Variants in EIF4G3 observed in about 807,000 individuals in gnomAD.
The protein encoded by EIF4G3 is eIF-4-gamma 3.
A neutral mutation model predicts 186.4 loss-of-function variants in EIF4G3; 34 were observed. The observed-to-expected ratio is 0.18, with a 90% CI of 0.14 to 0.24. The LOEUF is 0.24. Among genes scored for constraint, EIF4G3 ranks in the 10% least tolerant of loss-of-function variants. EIF4G3 has a pLI of 1.00. For missense variants in EIF4G3, 1,536 were observed against 1,948.5 expected (o/e 0.79, Z 3.99); for synonymous variants, 673 against 679.5 (o/e 0.99, Z 0.15).
At chr1:21,085,589 G>A (rs534818624) in intron 3 of EIF4G3, among the ~76,000 whole-genome samples, 2 of 152,134 alleles carry the variant, frequency 1.3e-5, no homozygotes, top group South Asian at 4.1e-4. Flanking sequence ...TTGAGATGGG[G>A]TCTCATTATG....
chr1:20,872,071 T>C (rs1259760081), intron 20 of EIF4G3, among the ~76,000 whole-genome samples: 2 of 152,168 alleles, frequency 1.3e-5, no homozygotes, highest in African/African-American at 4.8e-5. Context: ...TCTTACCATT[T>C]TGCCATATTT....
intron 2 of EIF4G3, among the ~76,000 whole-genome samples, chr1:21,110,579 GCCA>G (rs1558009651): frequency 6.6e-6 from 1 of 152,142 alleles, no homozygotes; most frequent in Non-Finnish European, 1.5e-5. Flanking sequence ...ACAGGTGTGA[GCCA>G]CCACGCCTGG....
At chr1:21,166,060 CA>C (rs1408912473) in intron 2 of EIF4G3, among the ~76,000 whole-genome samples, 1 of 104,196 alleles carries the variant, frequency 9.6e-6, no homozygotes, top group South Asian at 3.0e-4. Context: ...ATCACCCACT[CA>C]TCATAATCCA....
chr1:21,013,561 G>C (rs541511467), intron 4 of EIF4G3, among the ~76,000 whole-genome samples: 1 of 152,300 alleles, frequency 6.6e-6, no homozygotes, highest in East Asian at 1.9e-4. Flanking sequence ...GATGGGAAGA[G>C]TGGCTTAGTT....
At chr1:21,145,334 C>CA (rs56373332) in intron 2 of EIF4G3, among the ~76,000 whole-genome samples, 75,728 of 151,168 alleles carry the variant, frequency 0.5, 19,685 homozygotes, top group East Asian at 0.76. Context: ...AACAAACAAA[C>CA]AAAAAAAACC....
At chr1:20,873,014 G>A (rs1018703697) in intron 20 of EIF4G3, among the ~76,000 whole-genome samples, 1 of 152,224 alleles carries the variant, frequency 6.6e-6, no homozygotes, top group Non-Finnish European at 1.5e-5. Flanking sequence ...TGGAATTACA[G>A]CTGTGAGCCA....
At chr1:20,994,550 T>C (rs747701094) in intron 7 of EIF4G3, among the ~76,000 whole-genome samples, 2 of 152,050 alleles carry the variant, frequency 1.3e-5, no homozygotes, top group Admixed American at 6.5e-5. Context: ...TCTTAGGAAC[T>C]TACCTCCAAG....
chr1:20,817,157 G>T (rs1408081230), intron 34 of EIF4G3, among the ~76,000 whole-genome samples: 1 of 138,612 alleles, frequency 7.2e-6, no homozygotes, highest in Non-Finnish European at 1.6e-5. Context: ...TTGTTCACTT[G>T]TTTATCTGCT....
chr1:21,052,352 T>C (rs896389889), intron 3 of EIF4G3, among the ~76,000 whole-genome samples: 8 of 152,156 alleles, frequency 5.3e-5, no homozygotes, highest in Non-Finnish European at 1.0e-4. Context: ...TCTGCTAAAA[T>C]GAAAGAAGTC....
At chr1:20,896,827 T>C (rs1359195584) in intron 16 of EIF4G3, among the ~76,000 whole-genome samples, 1 of 152,216 alleles carries the variant, frequency 6.6e-6, no homozygotes, top group African/African-American at 2.4e-5. Context: ...TATATTTAGA[T>C]ACACAAATAC....
chr1:21,024,934 T>C (rs935733404), intron 4 of EIF4G3, among the ~76,000 whole-genome samples: 2 of 149,748 alleles, frequency 1.3e-5, no homozygotes, highest in East Asian at 1.9e-4. Context: ...GTAAGGAGTA[T>C]GAATAATATA....
chr1:21,053,183 C>A (rs1325780751), intron 3 of EIF4G3, among the ~76,000 whole-genome samples: 5 of 151,964 alleles, frequency 3.3e-5, no homozygotes, highest in Non-Finnish European at 7.4e-5. Context: ...GGGAGCACCT[C>A]TGCCCTGCCA....
chr1:20,966,190 C>T (rs1283613418), intron 12 of EIF4G3, among the ~76,000 whole-genome samples: 1 of 152,194 alleles, frequency 6.6e-6, no homozygotes, highest in South Asian at 2.1e-4. Context: ...TTATGTCTAA[C>T]TCAAAGCAGG....
chr1:21,170,042 G>A (rs2097924307), intron 2 of EIF4G3, among the ~76,000 whole-genome samples: 1 of 152,088 alleles, frequency 6.6e-6, no homozygotes, highest in Non-Finnish European at 1.5e-5. Context: ...AGGCGTGGTG[G>A]TGCACGCCTG....
At chr1:21,128,099 C>T (rs1296319215) in intron 2 of EIF4G3, among the ~76,000 whole-genome samples, 13 of 151,408 alleles carry the variant, frequency 8.6e-5, no homozygotes, top group Admixed American at 6.6e-4. Context: ...CCCAGCTACT[C>T]GGGAGGCTGA....
At chr1:21,169,242 A>G (rs1187025938) in intron 2 of EIF4G3, among the ~76,000 whole-genome samples, 1 of 152,050 alleles carries the variant, frequency 6.6e-6, no homozygotes, top group African/African-American at 2.4e-5. Flanking sequence ...CCTGAAGTCA[A>G]GAGTTCGAGA....
chr1:21,133,124 A>G (rs1281189656), intron 2 of EIF4G3, among the ~76,000 whole-genome samples: 1 of 152,146 alleles, frequency 6.6e-6, no homozygotes, highest in Non-Finnish European at 1.5e-5. Flanking sequence ...TTTGTTTCAA[A>G]TGGAAAAATA....
intron 3 of EIF4G3, among the ~76,000 whole-genome samples, chr1:21,055,344 T>C (rs897274663): frequency 2.6e-5 from 4 of 152,142 alleles, no homozygotes; most frequent in Admixed American, 2.6e-4. Context: ...AAATCTATCT[T>C]AGACCAGTTT....
At chr1:20,815,247 G>A (rs1459526435) in intron 34 of EIF4G3, among the ~76,000 whole-genome samples, 2 of 67,184 alleles carry the variant, frequency 3.0e-5, no homozygotes, top group African/African-American at 5.4e-5. Flanking sequence ...GCCGCCCATC[G>A]TCTGGGAGGT....
Sources: gnomAD v4.1 joint callset for allele counts (sites outside exome capture counted in the v4.1 genomes callset) on GRCh38, gnomAD v4.1.1 for gene constraint, MANE v1.5 for transcripts, NCBI Gene and HGNC (gene_info 2026-07-23, HGNC 2026-07-21) for gene names.